The following SGMS1 variants were observed in gnomAD, a reference collection of about 807,000 sequenced individuals.
SGMS1 encodes sphingomyelin synthase 1.
In SGMS1, 13 loss-of-function variants were observed where a neutral mutation model predicts 46.2. The observed-to-expected ratio is 0.28, with a 90% CI of 0.18 to 0.45. The LOEUF (loss-of-function observed/expected upper bound fraction) is 0.45. Among genes scored for constraint, SGMS1 ranks in the 20% least tolerant of loss-of-function variants. The probability of loss-of-function intolerance (pLI) is 1.00; values close to 1 mark genes in which losing one functional copy is unlikely to be tolerated. For missense variants in SGMS1, 324 were observed against 519.9 expected, an observed-to-expected ratio of 0.62 and a Z score of 3.66; for synonymous variants, 203 against 187.8, an observed-to-expected ratio of 1.08 and a Z score of -0.66.
chr10:50,576,972 A>G (rs536787871), intron 2 of SGMS1, among the ~76,000 whole-genome samples: 10 of 152,370 alleles, frequency 6.6e-5, no homozygotes, highest in African/African-American at 2.4e-4. Context: ...AATACTGCAT[A>G]GAGCTGGGAC....
At chr10:50,506,355 A>C (rs1837706700) in intron 3 of SGMS1, among the ~76,000 whole-genome samples, 1 of 152,184 alleles carries the variant, frequency 6.6e-6, no homozygotes, top group Non-Finnish European at 1.5e-5. Flanking sequence ...GAGTTCAATA[A>C]ATATTGGAGA....
At chr10:50,469,204 A>C (rs985868636) in intron 3 of SGMS1, among the ~76,000 whole-genome samples, 1 of 152,240 alleles carries the variant, frequency 6.6e-6, no homozygotes, top group Admixed American at 6.5e-5. Context: ...TTTGTTTTTC[A>C]ATCAAAATCA....
chr10:50,610,381 G>A (rs184740317), intron 1 of SGMS1, among the ~76,000 whole-genome samples: 72 of 152,260 alleles, frequency 4.7e-4, no homozygotes, highest in African/African-American at 1.7e-3. Context: ...AGTTTTAGAT[G>A]CACTGTCCCC....
intron 1 of SGMS1, among the ~76,000 whole-genome samples, chr10:50,603,651 A>C (rs1477206352): frequency 6.6e-6 from 1 of 152,244 alleles, no homozygotes; most frequent in Non-Finnish European, 1.5e-5. Context: ...TAAATTGCAC[A>C]ACACACTGCA....
At chr10:50,477,070 T>C (rs1472043565) in intron 3 of SGMS1, among the ~76,000 whole-genome samples, 3 of 152,166 alleles carry the variant, frequency 2.0e-5, no homozygotes, top group African/African-American at 7.2e-5. Flanking sequence ...CCCAGAATAG[T>C]AGATCCACCA....
At chr10:50,467,713 A>G (rs760622006) in intron 3 of SGMS1, among the ~76,000 whole-genome samples, 6 of 152,200 alleles carry the variant, frequency 3.9e-5, no homozygotes, top group Non-Finnish European at 1.5e-5. Flanking sequence ...GCTAGGTATA[A>G]TTATTTAGGG....
At chr10:50,376,164 G>A (rs1456403268) in intron 6 of SGMS1, among the ~76,000 whole-genome samples, 1 of 152,102 alleles carries the variant, frequency 6.6e-6, no homozygotes, top group Non-Finnish European at 1.5e-5. Context: ...TGTACCACAA[G>A]CCATGTCTTC....
chr10:50,538,257 A>G (rs1484796185), intron 2 of SGMS1, among the ~76,000 whole-genome samples: 2 of 152,032 alleles, frequency 1.3e-5, no homozygotes, highest in Admixed American at 1.3e-4. Context: ...GGAGATCGAG[A>G]CCATCATGGC....
chr10:50,388,412 TC>T (rs1848713895), intron 6 of SGMS1, among the ~76,000 whole-genome samples: 1 of 146,768 alleles, frequency 6.8e-6, no homozygotes, highest in Non-Finnish European at 1.5e-5. Context: ...AGTGGACAGA[TC>T]ACTTGAGGCC....
intron 5 of SGMS1, among the ~76,000 whole-genome samples, chr10:50,442,184 AT>A (rs11397144): frequency 1.1e-3 from 155 of 147,182 alleles, no homozygotes; most frequent in Middle Eastern, 7.0e-3. Context: ...TCTGCTGTAG[AT>A]TTTTTTTTTT....
chr10:50,606,972 C>A (rs1028689149), intron 1 of SGMS1, among the ~76,000 whole-genome samples: 14 of 151,142 alleles, frequency 9.3e-5, no homozygotes, highest in African/African-American at 3.2e-4. Context: ...TCAGCTCTAG[C>A]ATTGTACTTT....
intron 1 of SGMS1, among the ~76,000 whole-genome samples, chr10:50,606,227 A>C (rs1838692878): frequency 6.6e-6 from 1 of 152,222 alleles, no homozygotes; most frequent in South Asian, 2.1e-4. Context: ...AATCAAGCCA[A>C]ATACTAAATA....
At chr10:50,624,067 C>T (rs1838887151), upstream of SGMS1, 4 of 985,282 alleles carry the variant, frequency 4.1e-6, no homozygotes, top group Admixed American at 6.1e-5. Flanking sequence ...GGGCGGGGTC[C>T]GCGGGGGGCT....
intron 8 of SGMS1, among the ~76,000 whole-genome samples, chr10:50,318,797 G>A (rs1373459619): frequency 6.6e-6 from 1 of 152,100 alleles, no homozygotes. Flanking sequence ...GAATCTGGCT[G>A]TCTACATTTC....
At chr10:50,497,678 C>T (rs1203233553) in intron 3 of SGMS1, among the ~76,000 whole-genome samples, 1 of 152,072 alleles carries the variant, frequency 6.6e-6, no homozygotes, top group Non-Finnish European at 1.5e-5. Context: ...CCTGTAATCC[C>T]AGCTACTCAG....
intron 6 of SGMS1, among the ~76,000 whole-genome samples, chr10:50,405,518 C>T (rs1849000570): frequency 6.6e-6 from 1 of 152,064 alleles, no homozygotes; most frequent in African/African-American, 2.4e-5. Context: ...AAAAAATTAG[C>T]AGTTTACAGT....
At chr10:50,379,020 A>G (rs917266200) in intron 6 of SGMS1, among the ~76,000 whole-genome samples, 1 of 152,224 alleles carries the variant, frequency 6.6e-6, no homozygotes, top group East Asian at 1.9e-4. Context: ...AAAATATGCC[A>G]AAAGTATGAA....
intron 2 of SGMS1, among the ~76,000 whole-genome samples, chr10:50,558,672 C>T (rs1838208671): frequency 6.6e-6 from 1 of 152,184 alleles, no homozygotes; most frequent in African/African-American, 2.4e-5. Flanking sequence ...TCTTCTGCCT[C>T]TGCCAACCCT....
chr10:50,446,207 C>T (rs1837011425), intron 5 of SGMS1, among the ~76,000 whole-genome samples: 1 of 152,142 alleles, frequency 6.6e-6, no homozygotes, highest in African/African-American at 2.4e-5. Flanking sequence ...ATTTTATTAC[C>T]TTGTGAAGCA....
Sources: gnomAD v4.1 joint callset for allele counts (sites outside exome capture counted in the v4.1 genomes callset) on GRCh38, gnomAD v4.1.1 for gene constraint, MANE v1.5 for transcripts, NCBI Gene and HGNC (gene_info 2026-07-23, HGNC 2026-07-21) for gene names.